The following UBE2E2 variants were observed in gnomAD, a reference collection of about 807,000 sequenced individuals.
The protein encoded by UBE2E2 is ubiquitin conjugating enzyme E2 E2, also known as ubiquitin-conjugating enzyme E2 E2.
In UBE2E2, 6 loss-of-function variants were observed where a neutral mutation model predicts 24.7. The observed-to-expected ratio is 0.24, with a 90% CI of 0.13 to 0.48. The LOEUF (loss-of-function observed/expected upper bound fraction) is 0.48, where lower values mean the gene tolerates loss of function less well. Ranked by LOEUF, UBE2E2 falls within the 20% of genes least tolerant of loss-of-function variation. UBE2E2 has a pLI of 0.99. For synonymous variants in UBE2E2, 104 were observed against 83.6 expected (o/e 1.24, Z -1.33); for missense variants, 169 against 245.0 (o/e 0.69, Z 2.07).
At chr3:23,217,838 A>G (rs754643522) in intron 3 of UBE2E2, among the ~76,000 whole-genome samples, 1 of 152,026 alleles carries the variant, frequency 6.6e-6, no homozygotes, top group African/African-American at 2.4e-5. Context: ...TATGATCATG[A>G]CCTCGAATTT....
chr3:23,504,654 A>G (rs1407847413), intron 4 of UBE2E2, among the ~76,000 whole-genome samples: 2 of 152,176 alleles, frequency 1.3e-5, no homozygotes, highest in Non-Finnish European at 2.9e-5. Flanking sequence ...TTATGGTTGC[A>G]TTAATTTACA....
At chr3:23,223,681 T>G (rs550812121) in intron 3 of UBE2E2, among the ~76,000 whole-genome samples, 2 of 152,316 alleles carry the variant, frequency 1.3e-5, no homozygotes, top group African/African-American at 4.8e-5. Flanking sequence ...TTTAGGTTGA[T>G]GTAATCCCAG....
chr3:23,475,905 A>C (rs1430078082), intron 3 of UBE2E2, among the ~76,000 whole-genome samples: 1 of 152,130 alleles, frequency 6.6e-6, no homozygotes, highest in African/African-American at 2.4e-5. Flanking sequence ...CAGTGAGTAC[A>C]TGTTCTTACA....
At chr3:23,372,820 C>G (rs1344850422) in intron 3 of UBE2E2, among the ~76,000 whole-genome samples, 2 of 152,068 alleles carry the variant, frequency 1.3e-5, no homozygotes, top group East Asian at 1.9e-4. Context: ...CATTTTATGT[C>G]CATTTAGAGG....
At chr3:23,238,854 C>T (rs1697184802) in intron 3 of UBE2E2, among the ~76,000 whole-genome samples, 1 of 152,078 alleles carries the variant, frequency 6.6e-6, no homozygotes, top group South Asian at 2.1e-4. Flanking sequence ...GTGGAGTTTC[C>T]CACTTGTGGC....
intron 3 of UBE2E2, among the ~76,000 whole-genome samples, chr3:23,289,168 T>C (rs1044569706): frequency 3.3e-5 from 5 of 152,224 alleles, no homozygotes; most frequent in African/African-American, 4.8e-5. Context: ...TTTCAGTGGG[T>C]ACCTGTGATT....
intron 4 of UBE2E2, among the ~76,000 whole-genome samples, chr3:23,529,119 G>C (rs1695064721): frequency 6.6e-6 from 1 of 152,212 alleles, no homozygotes. Flanking sequence ...TGAGGACAGA[G>C]TTGTAGTTGC....
intron 3 of UBE2E2, among the ~76,000 whole-genome samples, chr3:23,247,529 A>G (rs1697446508): frequency 6.6e-6 from 1 of 151,794 alleles, no homozygotes; most frequent in Non-Finnish European, 1.5e-5. Context: ...TAATTTTTGT[A>G]TTTTCAGTAG....
At chr3:23,545,857 C>T (rs1022335195) in intron 5 of UBE2E2, among the ~76,000 whole-genome samples, 3 of 152,134 alleles carry the variant, frequency 2.0e-5, no homozygotes, top group Admixed American at 6.5e-5. Context: ...ATAACATCTA[C>T]GGCAACTTGG....
chr3:23,352,045 A>T (rs1695771493), intron 3 of UBE2E2, among the ~76,000 whole-genome samples: 2 of 152,260 alleles, frequency 1.3e-5, no homozygotes, highest in African/African-American at 4.8e-5. Flanking sequence ...CTCAGACCTC[A>T]GTGCAATCAA....
At chr3:23,237,243 G>A (rs988324875) in intron 3 of UBE2E2, among the ~76,000 whole-genome samples, 5 of 152,082 alleles carry the variant, frequency 3.3e-5, no homozygotes, top group Admixed American at 2.6e-4. Context: ...TAAGGCTTGC[G>A]TGCATTTCTT....
chr3:23,448,448 A>G (rs1004511588), intron 3 of UBE2E2, among the ~76,000 whole-genome samples: 2 of 152,198 alleles, frequency 1.3e-5, no homozygotes, highest in Admixed American at 1.3e-4. Flanking sequence ...GGAGATTTGG[A>G]ATACTATTAG....
intron 3 of UBE2E2, chr3:23,271,154 C>G (rs1001368421): frequency 2.2e-5 from 9 of 415,912 alleles, no homozygotes; most frequent in Middle Eastern, 8.4e-4. Context: ...CAAAAGATGG[C>G]AAGTATTGTG....
intron 3 of UBE2E2, among the ~76,000 whole-genome samples, chr3:23,444,782 G>A (rs899590542): frequency 2.6e-5 from 4 of 152,178 alleles, no homozygotes; most frequent in Admixed American, 2.6e-4. Context: ...GGATTCTAAG[G>A]GGATGTGCCC....
At chr3:23,561,405 G>A (rs1218937111) in intron 5 of UBE2E2, among the ~76,000 whole-genome samples, 3 of 152,048 alleles carry the variant, frequency 2.0e-5, no homozygotes, top group African/African-American at 7.2e-5. Flanking sequence ...TATTTCTGAG[G>A]GTTCTGTTCT....
intron 3 of UBE2E2, among the ~76,000 whole-genome samples, chr3:23,290,601 C>T (rs369866425): frequency 3.3e-5 from 5 of 151,836 alleles, no homozygotes; most frequent in Admixed American, 6.6e-5. Flanking sequence ...TATAGGAGAA[C>T]GTGCCCAGTT....
intron 5 of UBE2E2, among the ~76,000 whole-genome samples, chr3:23,562,656 C>T (rs577332189): frequency 2.0e-5 from 3 of 152,328 alleles, no homozygotes; most frequent in African/African-American, 7.2e-5. Context: ...ATCAGCTCCT[C>T]CTTGTACCTC....
intron 3 of UBE2E2, among the ~76,000 whole-genome samples, chr3:23,371,055 G>T (rs1299404225): frequency 2.0e-5 from 3 of 152,016 alleles, no homozygotes; most frequent in African/African-American, 7.2e-5. Context: ...ATAGAAATGG[G>T]GTTTTGCTCC....
At chr3:23,337,471 TA>T (rs1302201310) in intron 3 of UBE2E2, among the ~76,000 whole-genome samples, 1 of 152,194 alleles carries the variant, frequency 6.6e-6, no homozygotes, top group East Asian at 1.9e-4. Flanking sequence ...TGGGAAGGCC[TA>T]CTTGATGAAT....
Sources: allele counts gnomAD v4.1 joint callset (sites outside exome capture counted in the v4.1 genomes callset), GRCh38; gene constraint gnomAD v4.1.1; transcripts MANE v1.5; gene names NCBI Gene and HGNC (gene_info 2026-07-23, HGNC 2026-07-21).